KIRREL3: variants seen among roughly 807,000 people sequenced by gnomAD.
The protein encoded by KIRREL3 is kirre like nephrin family adhesion molecule 3.
In KIRREL3, 36 loss-of-function variants were observed where a neutral mutation model predicts 89.7. That is an observed-to-expected ratio of 0.40 (90% CI 0.31 to 0.53). The LOEUF is 0.53. Ranked by LOEUF, KIRREL3 falls within the 20% of genes least tolerant of loss-of-function variation. The probability of loss-of-function intolerance (pLI) is 0.49; values close to 1 mark genes in which losing one functional copy is unlikely to be tolerated. For missense variants in KIRREL3, 864 were observed against 1,056.6 expected, an observed-to-expected ratio of 0.82 and a Z score of 2.53; for synonymous variants, 445 against 441.4, an observed-to-expected ratio of 1.01 and a Z score of -0.10.
intron 1 of KIRREL3, among the ~76,000 whole-genome samples, chr11:126,679,862 G>A (rs1350030336): frequency 6.6e-6 from 1 of 152,192 alleles, no homozygotes; most frequent in Non-Finnish European, 1.5e-5. Context: ...AGTGAAATGT[G>A]TATGAAGGGA....
chr11:126,585,548 A>C (rs1304395762), intron 1 of KIRREL3, among the ~76,000 whole-genome samples: 1 of 152,104 alleles, frequency 6.6e-6, no homozygotes, highest in Non-Finnish European at 1.5e-5. Flanking sequence ...ATTAACCTTC[A>C]CCAGGATAGT....
In KIRREL3 at chr11:126,891,602, G is replaced by A. The variant is rs896065986; in HGVS notation, c.55+108853C>T. Among the ~76,000 whole-genome samples the A allele has an allele frequency of 1.3e-5, 2 of 152,350 alleles. No individual in the cohort carries two copies. The highest frequency in any genetic ancestry group is 4.8e-5 in the African/African-American group (2 of 41,586). On this transcript the variant is annotated intron_variant, in intron 1 of 16. Coordinates refer to ENST00000525144, the MANE Select transcript of KIRREL3 (RefSeq NM_032531.4). The surrounding 1 kb of genome is among the most constrained non-coding windows in gnomAD (Gnocchi z 5.1). ...TCACTATCACTGTCAGGGAGCAAACGGCAGAAGCCAGTCTCAGGGAAGCCA... is the reference window on the plus strand; with the variant it reads ...TCACTATCACTGTCAGGGAGCAAACAGCAGAAGCCAGTCTCAGGGAAGCCA...
At position 126,906,935 on chromosome 11, in the gene KIRREL3, G is replaced by A. The variant is rs59118804; in HGVS notation, c.55+93520C>T. Among the ~76,000 whole-genome samples, 891 of 152,234 alleles carry A rather than the reference G, an allele frequency of 5.9e-3. 2 individuals are homozygous for A. Among genetic ancestry groups the A allele is most frequent in the African/African-American group, 0.021 (858 of 41,526 alleles). Reference sequence around the variant, plus strand: ...TTGATAAAGAAAAAGCATTTAGAAAGGTTCATTGTTTAGATATTGAAAGAC... The same window carrying A: ...TTGATAAAGAAAAAGCATTTAGAAAAGTTCATTGTTTAGATATTGAAAGAC... On this transcript the variant is annotated intron_variant, in intron 1 of 16. Transcript: ENST00000525144. The surrounding 1 kb of genome is among the most constrained non-coding windows in gnomAD (Gnocchi z 4.1).
At position 126,564,671 on chromosome 11, in the gene KIRREL3, G is replaced by A. The variant is rs1042346813; in HGVS notation, c.56-1759C>T. Among the ~76,000 whole-genome samples, 5 of 152,184 alleles carry A rather than the reference G, an allele frequency of 3.3e-5. No homozygotes were observed. The highest frequency in any genetic ancestry group is 2.0e-4 in the Admixed American group (3 of 15,282). On this transcript the variant is annotated intron_variant, in intron 1 of 16. Coordinates refer to ENST00000525144, the MANE Select transcript of KIRREL3 (RefSeq NM_032531.4). The surrounding 1 kb of genome is among the most constrained non-coding windows in gnomAD (Gnocchi z 7.4). ...CAAGGCCTTGGCCCTTTCTTCAGGG[G>A]CTCCTGCTCTGTCGCAGGCCTCATG...
intron 4 of KIRREL3, among the ~76,000 whole-genome samples, chr11:126,510,006 A>AG (rs1958157282): frequency 5.3e-5 from 8 of 150,588 alleles, no homozygotes; most frequent in Non-Finnish European, 1.2e-4. Context: ...AAAAAAAAAA[A>AG]AAAAAAAAAA....
At position 126,708,626 on chromosome 11, in the gene KIRREL3, C is replaced by T. The variant is rs374064155; in HGVS notation, c.56-145714G>A. Reference sequence around the variant, plus strand: ...CGTTCGGCTCAACGTCCAGGAGAGGCACCGGCGAACTCGAGAGCCAAGAGC... The same window carrying T: ...CGTTCGGCTCAACGTCCAGGAGAGGTACCGGCGAACTCGAGAGCCAAGAGC... On this transcript the variant is annotated intron_variant, in intron 1 of 16. Coordinates refer to ENST00000525144, the MANE Select transcript of KIRREL3 (RefSeq NM_032531.4). This position sits in a 1 kb window ranked among gnomAD's most constrained non-coding sequence, Gnocchi z 5.7. 6.6e-6 allele frequency among the ~76,000 whole-genome samples: 1 copy of T among 152,172 alleles called. No individual in the cohort carries two copies. The highest frequency in any genetic ancestry group is 2.4e-5 in the African/African-American group (1 of 41,438).
chr11:126,864,189 T>C lies in KIRREL3; in HGVS notation c.55+136266A>G, dbSNP rs571318921. 4.6e-5 allele frequency among the ~76,000 whole-genome samples: 7 copies of C among 152,070 alleles called. No individual in the cohort carries two copies. In the East Asian group the frequency reaches 1.4e-3, roughly 29 times the overall value. On this transcript the variant is annotated intron_variant, in intron 1 of 16. Transcript: ENST00000525144. Reference sequence around the variant, plus strand: ...TTCATGTGAAGTGGAGAAGGTGGAGTTATTATTCTCATTTTAGGGATAAGG... The same window carrying C: ...TTCATGTGAAGTGGAGAAGGTGGAGCTATTATTCTCATTTTAGGGATAAGG...
Position 126,769,058 on chromosome 11 carries a change from T to A in KIRREL3, c.56-206146A>T, listed in dbSNP as rs900551190. ...GCATAGGCTGTCCCCTGGGGTCTCC[T>A]TTCCGCATCTTGTTTACCTGTCAGA... On this transcript the variant is annotated intron_variant, in intron 1 of 16. Transcript: ENST00000525144. This position sits in a 1 kb window ranked among gnomAD's most constrained non-coding sequence, Gnocchi z 4.3. 1.3e-5 allele frequency among the ~76,000 whole-genome samples: 2 copies of A among 152,180 alleles called. No individual in the cohort carries two copies. The highest frequency in any genetic ancestry group is 1.5e-5 in the Non-Finnish European group (1 of 68,028).
chr11:126,666,665 G>A lies in KIRREL3; in HGVS notation c.56-103753C>T, dbSNP rs1174996038. On this transcript the variant is annotated intron_variant, in intron 1 of 16. Transcript: ENST00000525144. This position sits in a 1 kb window ranked among gnomAD's most constrained non-coding sequence, Gnocchi z 4.2. Reference sequence around the variant, plus strand: ...AACTTGGCTTATTTTTTTACTGCATGATATGAACACTTAGGGTTAAACAGA... The same window carrying A: ...AACTTGGCTTATTTTTTTACTGCATAATATGAACACTTAGGGTTAAACAGA... 6.6e-6 allele frequency among the ~76,000 whole-genome samples: 1 copy of A among 152,164 alleles called. No homozygotes were observed. Among genetic ancestry groups the A allele is most frequent in the Non-Finnish European group, 1.5e-5 (1 of 68,020 alleles).
chr11:126,820,426 G>T (rs927981225), intron 1 of KIRREL3, among the ~76,000 whole-genome samples: 1 of 152,160 alleles, frequency 6.6e-6, no homozygotes, highest in Non-Finnish European at 1.5e-5. Flanking sequence ...CTTCCATGAT[G>T]ATCCCAAGTG....
intron 1 of KIRREL3, among the ~76,000 whole-genome samples, chr11:126,693,927 CCT>C (rs1698000997): frequency 6.6e-6 from 1 of 152,220 alleles, no homozygotes; most frequent in African/African-American, 2.4e-5. Flanking sequence ...AGATCCCACC[CCT>C]GTCTGCCCAC....
rs1366327982 is a variant in KIRREL3 at position 126,686,579 on chromosome 11, ATTATT to A, written c.56-123672_56-123668del. Among the ~76,000 whole-genome samples, 1 of 151,832 alleles carries A rather than the reference ATTATT, an allele frequency of 6.6e-6. No individual in the cohort carries two copies. Among genetic ancestry groups the A allele is most frequent in the Non-Finnish European group, 1.5e-5 (1 of 67,964 alleles). ...ACCCTACACTGAATTTTATTTTTTT[ATTATT>A]TTATTTTAATTTTGAGACAGAGTCT... On this transcript the variant is annotated intron_variant, in intron 1 of 16. Coordinates refer to ENST00000525144, the MANE Select transcript of KIRREL3 (RefSeq NM_032531.4). This position sits in a 1 kb window ranked among gnomAD's most constrained non-coding sequence, Gnocchi z 4.7.
rs1002743745 is a variant in KIRREL3 at position 126,867,457 on chromosome 11, T to C, written c.55+132998A>G. 6.6e-6 allele frequency among the ~76,000 whole-genome samples: 1 copy of C among 152,194 alleles called. No homozygotes were observed. The highest frequency in any genetic ancestry group is 2.4e-5 in the African/African-American group (1 of 41,444). ...TCCAAAACTCTTTCAAGGACCAACC[T>C]AACACCCACTCCATCTGTTACTCTT... On this transcript the variant is annotated intron_variant, in intron 1 of 16. Transcript: ENST00000525144. The surrounding 1 kb of genome is among the most constrained non-coding windows in gnomAD (Gnocchi z 4.7).
In KIRREL3 at chr11:126,601,051, C is replaced by T. The variant is rs566309390; in HGVS notation, c.56-38139G>A. The stretch of plus-strand genomic sequence containing the variant: ...AGGATTTCACAATCTTAGTCAGAAG[C>T]GAAATTTAAAACCCTTTGTCCCCCG... On this transcript the variant is annotated intron_variant, in intron 1 of 16. Transcript: ENST00000525144. This position sits in a 1 kb window ranked among gnomAD's most constrained non-coding sequence, Gnocchi z 5.8. Among the ~76,000 whole-genome samples the T allele has an allele frequency of 3.9e-4, 60 of 152,232 alleles. No homozygotes were observed. Among genetic ancestry groups the T allele is most frequent in the East Asian group, 9.6e-4 (5 of 5,188 alleles).
chr11:126,654,995 T>C (rs56744768), intron 1 of KIRREL3, among the ~76,000 whole-genome samples: 11,560 of 152,088 alleles, frequency 0.076, 1,075 homozygotes, highest in African/African-American at 0.22. Flanking sequence ...AGATTTTACA[T>C]AGGAGGAAGG....
intron 1 of KIRREL3, among the ~76,000 whole-genome samples, chr11:126,921,674 T>G (rs529595346): frequency 6.6e-6 from 1 of 151,658 alleles, no homozygotes; most frequent in African/African-American, 2.4e-5. Flanking sequence ...ATTATCTATC[T>G]GTAATCTATC....
chr11:126,836,841 A>AGAT (rs1361682456), intron 1 of KIRREL3, among the ~76,000 whole-genome samples: 1 of 152,150 alleles, frequency 6.6e-6, no homozygotes, highest in Non-Finnish European at 1.5e-5. Context: ...GAAGCCTCAC[A>AGAT]GATGTTCGCA....
rs1011866639 is a variant in KIRREL3 at position 126,451,628 on chromosome 11, A to G, written c.849-2471T>C. On this transcript the variant is annotated intron_variant, in intron 7 of 16. Transcript: ENST00000525144. Reference sequence around the variant, plus strand: ...CATGTGCATGTGTGCATGTGTGTCCATGTGCATGTGTGCATGTATGGGCGT... The same window carrying G: ...CATGTGCATGTGTGCATGTGTGTCCGTGTGCATGTGTGCATGTATGGGCGT... Among the ~76,000 whole-genome samples the G allele has an allele frequency of 4.9e-4, 66 of 134,848 alleles. No homozygotes were observed. In the Middle Eastern group the frequency reaches 0.016, roughly 33 times the overall value. The allele number at this position is 134,848 out of a possible 152,430, so 88.5% of individuals were successfully genotyped here.
At chr11:126,745,889 C>T (rs928136400) in intron 1 of KIRREL3, among the ~76,000 whole-genome samples, 4 of 152,162 alleles carry the variant, frequency 2.6e-5, no homozygotes, top group Non-Finnish European at 5.9e-5. Flanking sequence ...ATGTACAAGT[C>T]CCTCCCTGCC....
Sources: gnomAD v4.1 joint callset for allele counts (sites outside exome capture counted in the v4.1 genomes callset) on GRCh38, gnomAD v4.1.1 for gene constraint, Gnocchi (gnomAD v3.1) non-coding constraint, MANE v1.5 for transcripts, NCBI Gene and HGNC (gene_info 2026-07-23, HGNC 2026-07-21) for gene names.